GATA4: variants seen among roughly 807,000 people sequenced by gnomAD.
GATA4 encodes the protein transcription factor GATA-4.
GATA4 carries 7 observed loss-of-function variants against 37.9 expected under a neutral mutation model. The ratio of observed to expected loss-of-function variants is 0.18; its 90% CI spans 0.11 to 0.35. GATA4 has a LOEUF of 0.35. Ranked by LOEUF, GATA4 falls within the 10% of genes least tolerant of loss-of-function variation. GATA4 has a pLI of 1.00. For synonymous variants in GATA4, 372 were observed against 292.6 expected (o/e 1.27, Z -2.77); for missense variants, 647 against 653.0 (o/e 0.99, Z 0.10).
chr8:11,757,462 C>A (rs963841562), intron 6 of GATA4, among the ~76,000 whole-genome samples: 1 of 152,126 alleles, frequency 6.6e-6, no homozygotes, highest in Admixed American at 6.5e-5. Context: ...AATGAGACTG[C>A]GTGCTGGGGC....
At chr8:11,711,601 G>GTTGT (rs1173016004) in intron 2 of GATA4, among the ~76,000 whole-genome samples, 4 of 152,058 alleles carry the variant, frequency 2.6e-5, no homozygotes, top group African/African-American at 4.8e-5. Context: ...AACATAGTGA[G>GTTGT]ACCCCATCCC....
chr8:11,712,884 A>G (rs1274172978), intron 2 of GATA4, among the ~76,000 whole-genome samples: 2 of 152,112 alleles, frequency 1.3e-5, no homozygotes, highest in African/African-American at 2.4e-5. Context: ...AGAAAAAGAA[A>G]GGATATACTC....
intron 2 of GATA4, among the ~76,000 whole-genome samples, chr8:11,723,134 C>A (rs1377229586): frequency 6.6e-6 from 1 of 151,950 alleles, no homozygotes; most frequent in Non-Finnish European, 1.5e-5. Flanking sequence ...ATCATTTGAA[C>A]CTAGGAGTTT....
At chr8:11,732,701 G>A (rs1183170096) in intron 2 of GATA4, among the ~76,000 whole-genome samples, 2 of 152,192 alleles carry the variant, frequency 1.3e-5, no homozygotes, top group East Asian at 1.9e-4. Flanking sequence ...TGAAGAGGAG[G>A]TAGAGACTTC....
At chr8:11,714,721 C>T (rs967138795) in intron 2 of GATA4, among the ~76,000 whole-genome samples, 1 of 152,304 alleles carries the variant, frequency 6.6e-6, no homozygotes, top group Middle Eastern at 3.4e-3. Context: ...TCTAAGCACT[C>T]AGGTGGAATG....
chr8:11,725,586 G>A (rs1800881057), intron 2 of GATA4, among the ~76,000 whole-genome samples: 1 of 152,228 alleles, frequency 6.6e-6, no homozygotes, highest in South Asian at 2.1e-4. Context: ...TTACTGCGCA[G>A]GCTGGGGTGA....
At chr8:11,739,019 G>A (rs547192409) in intron 2 of GATA4, among the ~76,000 whole-genome samples, 30 of 152,354 alleles carry the variant, frequency 2.0e-4, no homozygotes, top group African/African-American at 6.3e-4. Context: ...GTGCCACAGC[G>A]ATGCCTGAGC....
chr8:11,738,434 C>A (rs928509695), intron 2 of GATA4, among the ~76,000 whole-genome samples: 3 of 152,094 alleles, frequency 2.0e-5, no homozygotes. Context: ...AATGTCCATG[C>A]CTTCTAATAT....
chr8:11,723,671 T>C (rs1345622941), intron 2 of GATA4, among the ~76,000 whole-genome samples: 1 of 152,232 alleles, frequency 6.6e-6, no homozygotes, highest in African/African-American at 2.4e-5. Context: ...TCATTCAACA[T>C]GCAGAGTCAG....
intron 2 of GATA4, among the ~76,000 whole-genome samples, chr8:11,747,595 G>A (rs1323438784): frequency 2.0e-5 from 3 of 152,042 alleles, no homozygotes; most frequent in Non-Finnish European, 4.4e-5. Context: ...AGCTTTTTTT[G>A]CAGGACAGTT....
intron 2 of GATA4, among the ~76,000 whole-genome samples, chr8:11,710,898 G>T (rs1297362140): frequency 6.6e-6 from 1 of 152,120 alleles, no homozygotes; most frequent in Non-Finnish European, 1.5e-5. Flanking sequence ...GAGGCAGGCG[G>T]ATCACAAGGT....
chr8:11,709,500 G>C lies in GATA4; in HGVS notation c.616+572G>C, dbSNP rs937652787. Reference sequence around the variant, plus strand: ...GGAGGGATGGACAAAGGAGACGCCGGGGAGATGCGCGGAACAGGAGCCGGC... The same window carrying C: ...GGAGGGATGGACAAAGGAGACGCCGCGGAGATGCGCGGAACAGGAGCCGGC... On this transcript the variant is annotated intron_variant, in intron 2 of 6. Coordinates refer to ENST00000532059, the MANE Select transcript of GATA4 (RefSeq NM_001308093.3). The surrounding 1 kb of genome is among the most constrained non-coding windows in gnomAD (Gnocchi z 4.3). Among the ~76,000 whole-genome samples, 13 of 151,986 alleles carry C rather than the reference G, an allele frequency of 8.6e-5. No individual in the cohort carries two copies. In the East Asian group the frequency reaches 2.5e-3, roughly 30 times the overall value.
At chr8:11,677,440 A>G (rs1198451095) in intron 1 of GATA4, among the ~76,000 whole-genome samples, 1 of 152,124 alleles carries the variant, frequency 6.6e-6, no homozygotes, top group African/African-American at 2.4e-5. Context: ...CTCAGGAAAA[A>G]CCTAAATAAA....
intron 1 of GATA4, among the ~76,000 whole-genome samples, chr8:11,686,869 G>A (rs1233858279): frequency 4.6e-5 from 7 of 152,004 alleles, no homozygotes; most frequent in Non-Finnish European, 7.4e-5. Flanking sequence ...ATGGTGGGGC[G>A]CGCCTGTAAT....
Position 11,755,051 on chromosome 8 carries a change from C to G in GATA4, c.918C>G (p.Pro306=), listed in dbSNP as rs147050993. Residue 306 remains proline (P), a synonymous_variant, in exon 5 of 7, where the codon CCC becomes CCG. Coordinates refer to ENST00000532059, the MANE Select transcript of GATA4 (RefSeq NM_001308093.3). ...ATTTACTTGTGACCCTCCAGGTCCC[C>G]AGGCCTCTTGCAATGCGGAAAGAGG... ...CGLYMKLHGV[P]RPLAMRKEGI... is the part of the protein sequence containing the mutation. 1 of 1,613,864 alleles carries G rather than the reference C, an allele frequency of 6.2e-7. No individual in the cohort carries two copies. Among genetic ancestry groups the G allele is most frequent in the Non-Finnish European group, 8.5e-7 (1 of 1,179,786 alleles).
intron 2 of GATA4, among the ~76,000 whole-genome samples, chr8:11,717,466 C>G (rs1800487080): frequency 6.6e-6 from 1 of 152,252 alleles, no homozygotes. Context: ...GGAAAGAAAG[C>G]TGATACCCAG....
At chr8:11,679,322 G>T (rs1798879934) in intron 1 of GATA4, among the ~76,000 whole-genome samples, 2 of 152,316 alleles carry the variant, frequency 1.3e-5, no homozygotes, top group African/African-American at 4.8e-5. Flanking sequence ...CGGGGATGGG[G>T]GAGGAAGGGG....
chr8:11,699,551 G>C (rs912078117), upstream of GATA4, among the ~76,000 whole-genome samples: 12 of 152,250 alleles, frequency 7.9e-5, no homozygotes, highest in Admixed American at 4.6e-4. Flanking sequence ...CCTTGGATGG[G>C]GAGGGAGAGA....
chr8:11,721,229 C>T (rs916534808), intron 2 of GATA4, among the ~76,000 whole-genome samples: 1 of 151,152 alleles, frequency 6.6e-6, no homozygotes, highest in Non-Finnish European at 1.5e-5. Context: ...CTGGGCAAGG[C>T]AGACTTGTGG....
Sources: gnomAD v4.1 joint callset for allele counts (sites outside exome capture counted in the v4.1 genomes callset) on GRCh38, gnomAD v4.1.1 for gene constraint, Gnocchi (gnomAD v3.1) non-coding constraint, MANE v1.5 for transcripts, NCBI Gene and HGNC (gene_info 2026-07-23, HGNC 2026-07-21) for gene names.